C13orf42: variants seen among roughly 807,000 people sequenced by gnomAD.
C13orf42 encodes chromosome 13 open reading frame 42.
intron 1 of C13orf42, among the ~76,000 whole-genome samples, chr13:51,147,736 A>C (rs1381624110): frequency 3.3e-5 from 5 of 152,030 alleles, no homozygotes; most frequent in Admixed American, 1.3e-4. Flanking sequence ...CTCAAAAAAA[A>C]ACAACGAAGG....
At chr13:51,131,450 CA>C (rs929798098) in intron 1 of C13orf42, among the ~76,000 whole-genome samples, 3 of 152,198 alleles carry the variant, frequency 2.0e-5, no homozygotes. Flanking sequence ...AGTCCCTGTA[CA>C]GGTTTCCTGA....
At chr13:51,090,022 G>A (rs1953166359) in intron 1 of C13orf42, among the ~76,000 whole-genome samples, 1 of 151,812 alleles carries the variant, frequency 6.6e-6, no homozygotes, top group African/African-American at 2.4e-5. Flanking sequence ...CTCTAGACTG[G>A]GTGACACCAG....
intron 1 of C13orf42, among the ~76,000 whole-genome samples, chr13:51,154,319 C>T (rs1187366366): frequency 6.6e-6 from 1 of 152,096 alleles, no homozygotes; most frequent in Admixed American, 6.5e-5. Flanking sequence ...TCTTTGAGTC[C>T]CTGCTTTCGA....
intron 1 of C13orf42, among the ~76,000 whole-genome samples, chr13:51,088,799 A>G (rs1953155157): frequency 6.6e-6 from 1 of 152,236 alleles, no homozygotes; most frequent in Non-Finnish European, 1.5e-5. Context: ...TTTGAAAAGT[A>G]CAAGGAATAA....
At chr13:51,133,307 A>G (rs1470434548) in intron 1 of C13orf42, among the ~76,000 whole-genome samples, 1 of 152,190 alleles carries the variant, frequency 6.6e-6, no homozygotes, top group Non-Finnish European at 1.5e-5. Flanking sequence ...GTGGTTACCA[A>G]GAGCTGGGAG....
intron 1 of C13orf42, among the ~76,000 whole-genome samples, chr13:51,140,280 A>G (rs1953686535): frequency 6.6e-6 from 1 of 152,208 alleles, no homozygotes; most frequent in Admixed American, 6.5e-5. Flanking sequence ...CTTCTTAGAT[A>G]TACTGATTGA....
intron 3 of C13orf42, 127 bp downstream of exon 3, chr13:51,085,184 AATATATAT>A (rs57050801): frequency 8.7e-3 from 1,685 of 194,456 alleles, no homozygotes; most frequent in East Asian, 0.015. Context: ...AGCAACAACA[AATATATAT>A]ATATATATAT....
At chr13:51,106,748 C>T (rs1011730527) in intron 1 of C13orf42, among the ~76,000 whole-genome samples, 2 of 152,104 alleles carry the variant, frequency 1.3e-5, no homozygotes, top group Non-Finnish European at 2.9e-5. Flanking sequence ...GGAGGCTTGT[C>T]CTGTTGGTTC....
intron 1 of C13orf42, among the ~76,000 whole-genome samples, chr13:51,118,367 A>C (rs943910336): frequency 6.6e-6 from 1 of 152,190 alleles, no homozygotes; most frequent in Non-Finnish European, 1.5e-5. Context: ...TCCAGAAGAC[A>C]CCTGGAGAGG....
chr13:51,119,938 C>A (rs73188244), intron 1 of C13orf42, among the ~76,000 whole-genome samples: 22 of 151,898 alleles, frequency 1.4e-4, no homozygotes, highest in Admixed American at 6.6e-4. Context: ...TCTAGAGGAA[C>A]TCCCGACTCA....
intron 1 of C13orf42, among the ~76,000 whole-genome samples, chr13:51,152,958 G>A (rs1207729043): frequency 1.3e-5 from 2 of 152,136 alleles, no homozygotes; most frequent in Non-Finnish European, 2.9e-5. Context: ...CTGCTGCGGG[G>A]TTGATGTTTT....
intron 1 of C13orf42, among the ~76,000 whole-genome samples, chr13:51,149,324 A>G (rs890386392): frequency 3.5e-4 from 53 of 151,960 alleles, no homozygotes; most frequent in African/African-American, 1.2e-3. Flanking sequence ...AAAAAAAAAA[A>G]AAAAAACCCT....
At chr13:51,151,643 T>G (rs1047097235) in intron 1 of C13orf42, among the ~76,000 whole-genome samples, 2 of 152,204 alleles carry the variant, frequency 1.3e-5, no homozygotes, top group African/African-American at 4.8e-5. Context: ...CAGAGACACA[T>G]AGTCCAGTAG....
At chr13:51,161,087 CTT>C (rs1223443271) in intron 1 of C13orf42, among the ~76,000 whole-genome samples, 2 of 101,644 alleles carry the variant, frequency 2.0e-5, no homozygotes, top group Admixed American at 1.0e-4. Context: ...GGACTTTTTT[CTT>C]TTTTTTTTTC....
At position 51,127,730 on chromosome 13, in the gene C13orf42, C is replaced by T. The variant is rs893139898; in HGVS notation, n.137-14508G>A. 5.3e-5 allele frequency among the ~76,000 whole-genome samples: 8 copies of T among 152,170 alleles called. No individual in the cohort carries two copies. The South Asian group carries it at 1.5e-3, about 28-fold the overall frequency. ...AAATTTACATTTTTAAAAAACTATACGTATTGAAAACATTACATTAAGTGA... is the reference window on the plus strand; with the variant it reads ...AAATTTACATTTTTAAAAAACTATATGTATTGAAAACATTACATTAAGTGA... On this transcript the variant is annotated intron_variant and non_coding_transcript_variant, in intron 1 of 4. Transcript: ENST00000433280.
intron 1 of C13orf42, among the ~76,000 whole-genome samples, chr13:51,120,117 G>C (rs1227632535): frequency 1.3e-5 from 2 of 152,132 alleles, no homozygotes; most frequent in Non-Finnish European, 2.9e-5. Flanking sequence ...TAATGTAAAT[G>C]GTTTCATCTG....
At chr13:51,170,525 T>C (rs1953940096) in intron 1 of C13orf42, among the ~76,000 whole-genome samples, 1 of 152,168 alleles carries the variant, frequency 6.6e-6, no homozygotes. Context: ...CTCTTTCTCC[T>C]TTCAATCTTG....
intron 1 of C13orf42, among the ~76,000 whole-genome samples, chr13:51,100,052 T>C (rs897778814): frequency 1.3e-5 from 2 of 152,198 alleles, no homozygotes; most frequent in Non-Finnish European, 1.5e-5. Context: ...TTTATATACA[T>C]GCCAGTTGTC....
intron 2 of C13orf42, among the ~76,000 whole-genome samples, chr13:51,086,456 T>TTGTG (rs1292636215): frequency 1.3e-5 from 2 of 151,700 alleles, no homozygotes; most frequent in Admixed American, 6.6e-5. Context: ...GTTTGTGAGT[T>TTGTG]TGTGTGTGTG....
Sources: gnomAD v4.1 joint callset for allele counts (sites outside exome capture counted in the v4.1 genomes callset) on GRCh38, gnomAD v4.1.1 for gene constraint, MANE v1.5 for transcripts, NCBI Gene and HGNC (gene_info 2026-07-23, HGNC 2026-07-21) for gene names.